SPAST: variants seen among roughly 807,000 people sequenced by gnomAD.
SPAST encodes spastic paraplegia 4 (autosomal dominant; spastin).
Under a neutral mutation model 76.6 loss-of-function variants are expected in SPAST, and 30 were observed. The ratio of observed to expected loss-of-function variants is 0.39; its 90% CI spans 0.29 to 0.53. The LOEUF is 0.53. Ranked by LOEUF, SPAST falls within the 20% of genes least tolerant of loss-of-function variation. SPAST has a pLI of 0.68. For synonymous variants in SPAST, 305 were observed against 281.0 expected, an observed-to-expected ratio of 1.09 and a Z score of -0.86; for missense variants, 717 against 770.5, an observed-to-expected ratio of 0.93 and a Z score of 0.82.
intron 1 of SPAST, among the ~76,000 whole-genome samples, chr2:32,072,131 C>T (rs1676774971): frequency 6.6e-6 from 1 of 152,178 alleles, no homozygotes; most frequent in South Asian, 2.1e-4. Context: ...CAAGCTCCGC[C>T]TCCTGTGTTC....
intron 12 of SPAST, among the ~76,000 whole-genome samples, chr2:32,140,518 G>A (rs1679681134): frequency 1.3e-5 from 2 of 152,066 alleles, no homozygotes; most frequent in Admixed American, 1.3e-4. Context: ...CAGCTACTCA[G>A]GAGGCTGATA....
At chr2:32,097,339 G>A (rs1398560737) in intron 3 of SPAST, among the ~76,000 whole-genome samples, 1 of 152,216 alleles carries the variant, frequency 6.6e-6, no homozygotes, top group Admixed American at 6.5e-5. Flanking sequence ...TAATGTAGAC[G>A]TATGTCACAA....
Position 32,083,761 on chromosome 2 carries a change from TATATATATATATA to T in SPAST, c.416-3730_416-3718del, listed in dbSNP as rs1558620187. 4.8e-4 allele frequency among the ~76,000 whole-genome samples: 45 copies of T among 94,190 alleles called. 2 individuals are homozygous for T. The South Asian group carries it at 0.015, about 31-fold the overall frequency. The allele number at this position is 94,190 out of a possible 152,430, so 61.8% of individuals were successfully genotyped here. A position where few individuals can be genotyped will look rare whatever the true frequency, so the allele number is the denominator to read the frequency against. On this transcript the variant is annotated intron_variant, in intron 1 of 16. Transcript: ENST00000315285. ...TATATTTATATATACTATATATATATATATATATATATATATTTTTTTTTTTTTTTGAGATGAA... is the reference window on the plus strand; with the variant it reads ...TATATTTATATATACTATATATATATTATTTTTTTTTTTTTTTGAGATGAA...
chr2:32,112,837 C>CT (rs35203919), intron 4 of SPAST, among the ~76,000 whole-genome samples: 14,885 of 150,936 alleles, frequency 0.099, 782 homozygotes, highest in Middle Eastern at 0.2. Context: ...AGGCTTTTGT[C>CT]TTTTTTTTTG....
At chr2:32,147,930 C>CTTTTT (rs71407420) in intron 16 of SPAST, among the ~76,000 whole-genome samples, 6 of 116,442 alleles carry the variant, frequency 5.2e-5, no homozygotes, top group South Asian at 3.0e-4. Context: ...TGCGCCCGGC[C>CTTTTT]TTTTTTTTTT....
intron 4 of SPAST, among the ~76,000 whole-genome samples, chr2:32,100,774 T>C (rs183904655): frequency 6.6e-6 from 1 of 152,318 alleles, no homozygotes; most frequent in East Asian, 1.9e-4. Context: ...TCCATGTCCC[T>C]ACAAAGGACA....
At chr2:32,113,588 CAG>C (rs1319816834) in intron 4 of SPAST, among the ~76,000 whole-genome samples, 8 of 100,170 alleles carry the variant, frequency 8.0e-5, no homozygotes, top group African/African-American at 1.2e-4. Context: ...TTTTTTGAGA[CAG>C]AGTTTCACTC....
intron 7 of SPAST, among the ~76,000 whole-genome samples, chr2:32,121,757 T>A (rs1679028715): frequency 6.6e-6 from 1 of 151,938 alleles, no homozygotes; most frequent in East Asian, 1.9e-4. Flanking sequence ...TTGGCCAGGC[T>A]GGTTTCAAAC....
Position 32,112,140 on chromosome 2 carries a change from A to G in SPAST, c.683-2498A>G, listed in dbSNP as rs185186729. ...GCTAATTTTTGTATTTTGAGTGGAG[A>G]TGGGGTTTCACCATGTTGGCCAGGC... On this transcript the variant is annotated intron_variant, in intron 4 of 16. Coordinates refer to ENST00000315285, the MANE Select transcript of SPAST (RefSeq NM_014946.4). Among the ~76,000 whole-genome samples the G allele has an allele frequency of 4.4e-3, 664 of 150,550 alleles. 10 individuals carry two copies. Among genetic ancestry groups the G allele is most frequent in the African/African-American group, 0.016 (654 of 41,018 alleles).
chr2:32,093,614 A>G (rs945492635), intron 3 of SPAST, among the ~76,000 whole-genome samples: 7 of 152,244 alleles, frequency 4.6e-5, no homozygotes, highest in African/African-American at 1.4e-4. Context: ...TTTATTGTGT[A>G]CTATCTGTCT....
At chr2:32,128,506 G>C (rs367785172) in intron 9 of SPAST, 27 bp downstream of exon 9, 1 of 1,413,790 alleles carries the variant, frequency 7.1e-7, no homozygotes, top group Non-Finnish European at 1.0e-6. Flanking sequence ...CAATATTGTC[G>C]TATTTTAAGT....
chr2:32,139,436 A>G (rs896986771), intron 12 of SPAST, among the ~76,000 whole-genome samples: 16 of 152,236 alleles, frequency 1.1e-4, no homozygotes, highest in Admixed American at 3.3e-4. Context: ...AGGATACAAA[A>G]TCAGTGTACA....
At chr2:32,083,464 C>T (rs574827189) in intron 1 of SPAST, among the ~76,000 whole-genome samples, 29 of 151,466 alleles carry the variant, frequency 1.9e-4, no homozygotes, top group African/African-American at 6.8e-4. Flanking sequence ...GGTCCATTAC[C>T]CTTTGTCTCG....
At chr2:32,124,666 A>G (rs1679133190) in intron 7 of SPAST, among the ~76,000 whole-genome samples, 1 of 152,238 alleles carries the variant, frequency 6.6e-6, no homozygotes, top group Admixed American at 6.5e-5. Flanking sequence ...AGGGGAATGG[A>G]TAAACAGACT....
chr2:32,150,578 C>T (rs1025965424), intron 16 of SPAST, among the ~76,000 whole-genome samples: 17 of 151,832 alleles, frequency 1.1e-4, no homozygotes, highest in South Asian at 2.1e-4. Flanking sequence ...GCTGGGACTA[C>T]GGGCATGTAC....
intron 1 of SPAST, among the ~76,000 whole-genome samples, chr2:32,067,338 A>G (rs532078851): frequency 6.6e-6 from 1 of 152,140 alleles, no homozygotes; most frequent in Non-Finnish European, 1.5e-5. Flanking sequence ...CTGGGATTAC[A>G]GGTGTGAGCC....
intron 12 of SPAST, among the ~76,000 whole-genome samples, chr2:32,140,635 T>C (rs1438083288): frequency 6.7e-6 from 1 of 150,086 alleles, no homozygotes; most frequent in Non-Finnish European, 1.5e-5. Flanking sequence ...AAAGAAAAAA[T>C]TTTTTGGTCA....
chr2:32,092,998 C>A (rs1434353623), intron 3 of SPAST, among the ~76,000 whole-genome samples: 2 of 131,390 alleles, frequency 1.5e-5, no homozygotes, highest in Non-Finnish European at 3.2e-5. Flanking sequence ...CAGAGAGAGA[C>A]TCCGTCTCAA....
intron 4 of SPAST, among the ~76,000 whole-genome samples, chr2:32,106,926 A>G (rs985872593): frequency 6.6e-6 from 1 of 151,596 alleles, no homozygotes; most frequent in Non-Finnish European, 1.5e-5. Context: ...AGTCCATCAC[A>G]TATAAATAGT....
Sources: allele counts gnomAD v4.1 joint callset (sites outside exome capture counted in the v4.1 genomes callset), GRCh38; gene constraint gnomAD v4.1.1; transcripts MANE v1.5; gene names NCBI Gene and HGNC (gene_info 2026-07-23, HGNC 2026-07-21).